Variants in PKP4 observed in about 807,000 individuals in gnomAD.
PKP4 encodes the protein plakophilin 4, also known as plakophilin-4.
PKP4 carries 90 observed loss-of-function variants against 145.1 expected under a neutral mutation model. The observed-to-expected ratio is 0.62, with a 90% CI of 0.52 to 0.74. The LOEUF (loss-of-function observed/expected upper bound fraction) is 0.74. Ranked by LOEUF, PKP4 falls within the 30% of genes least tolerant of loss-of-function variation. The probability of loss-of-function intolerance (pLI) is 0.00; values close to 1 mark genes in which losing one functional copy is unlikely to be tolerated. For synonymous variants in PKP4, 563 were observed against 577.2 expected, an observed-to-expected ratio of 0.98 and a Z score of 0.35; for missense variants, 1,340 against 1,482.7, an observed-to-expected ratio of 0.90 and a Z score of 1.58.
intron 2 of PKP4, among the ~76,000 whole-genome samples, chr2:158,536,743 T>A (rs929498169): frequency 2.6e-5 from 4 of 152,214 alleles, no homozygotes; most frequent in Admixed American, 2.0e-4. Flanking sequence ...ATCAGTCATG[T>A]GGATGCGTAC....
chr2:158,643,209 G>A (rs1007799610), intron 11 of PKP4, among the ~76,000 whole-genome samples: 4 of 152,166 alleles, frequency 2.6e-5, no homozygotes, highest in Non-Finnish European at 4.4e-5. Flanking sequence ...TTTTGTGAGC[G>A]TCAGGGAAAT....
intron 2 of PKP4, among the ~76,000 whole-genome samples, chr2:158,574,418 C>T (rs928819619): frequency 6.6e-6 from 1 of 152,098 alleles, no homozygotes; most frequent in Non-Finnish European, 1.5e-5. Flanking sequence ...TAGATGATGT[C>T]TCTGCATCAT....
chr2:158,515,953 G>T (rs1355931288), intron 1 of PKP4, among the ~76,000 whole-genome samples: 3 of 152,078 alleles, frequency 2.0e-5, no homozygotes, highest in Non-Finnish European at 4.4e-5. Context: ...GGCTGAGGTG[G>T]CAGGATCGTG....
At chr2:158,642,148 A>G (rs1464488491) in intron 10 of PKP4, among the ~76,000 whole-genome samples, 1 of 152,080 alleles carries the variant, frequency 6.6e-6, no homozygotes, top group Non-Finnish European at 1.5e-5. Flanking sequence ...CAGCCTTCCA[A>G]GTAGTTGGGA....
At chr2:158,475,645 C>G (rs548343723) in intron 1 of PKP4, among the ~76,000 whole-genome samples, 1 of 152,308 alleles carries the variant, frequency 6.6e-6, no homozygotes, top group African/African-American at 2.4e-5. Flanking sequence ...GAGCAACCCT[C>G]AGTCAGTAGC....
chr2:158,536,434 G>C (rs1231324604), intron 2 of PKP4, among the ~76,000 whole-genome samples: 2 of 152,164 alleles, frequency 1.3e-5, no homozygotes, highest in Admixed American at 1.3e-4. Flanking sequence ...AAAAGTCTGG[G>C]TTCTTCAGTA....
At chr2:158,627,708 A>G (rs2052942090) in intron 7 of PKP4, among the ~76,000 whole-genome samples, 1 of 150,866 alleles carries the variant, frequency 6.6e-6, no homozygotes, top group African/African-American at 2.4e-5. Flanking sequence ...ATGTAAAGAA[A>G]ACTTTTGAGG....
At chr2:158,621,778 A>C (rs1308755625) in intron 6 of PKP4, among the ~76,000 whole-genome samples, 1 of 152,108 alleles carries the variant, frequency 6.6e-6, no homozygotes, top group Non-Finnish European at 1.5e-5. Flanking sequence ...AAAAAAAAGA[A>C]ATACACTCCT....
rs904340700 is a variant in PKP4, at chr2:158,578,939, A to T, written c.245+1556A>T. ...GATGTGAGAACAGTTGTCAAACCTC[A>T]AAGTAAGCACTAGAGGTGGATTTTA... On this transcript the variant is annotated intron_variant, in intron 3 of 21. Coordinates refer to ENST00000389759, the MANE Select transcript of PKP4 (RefSeq NM_003628.6). Among the ~76,000 whole-genome samples the T allele has an allele frequency of 9.1e-5, 9 of 99,348 alleles. No individual in the cohort carries two copies. The South Asian group carries it at 1.5e-3, about 17-fold the overall frequency. 65.2% of individuals were successfully genotyped at this position (99,348 alleles called of 152,430 possible).
chr2:158,498,715 T>A (rs145154258), intron 1 of PKP4, among the ~76,000 whole-genome samples: 46 of 152,296 alleles, frequency 3.0e-4, no homozygotes, highest in African/African-American at 8.4e-4. Context: ...TGGCCTGTTC[T>A]AGAACCTTGA....
chr2:158,668,334 C>CTGACCTCT (rs1313396893), intron 16 of PKP4, among the ~76,000 whole-genome samples: 2 of 152,200 alleles, frequency 1.3e-5, no homozygotes, highest in African/African-American at 4.8e-5. Flanking sequence ...TTCCCCTTCT[C>CTGACCTCT]TGACCTCTTC....
At chr2:158,627,427 G>A (rs1009024903) in intron 7 of PKP4, among the ~76,000 whole-genome samples, 6 of 151,972 alleles carry the variant, frequency 3.9e-5, no homozygotes, top group Non-Finnish European at 5.9e-5. Flanking sequence ...GACAATGCAG[G>A]TAAAATTAGA....
intron 2 of PKP4, among the ~76,000 whole-genome samples, chr2:158,565,899 A>C (rs2105751430): frequency 6.6e-6 from 1 of 152,336 alleles, no homozygotes; most frequent in Non-Finnish European, 1.5e-5. Flanking sequence ...GAAACCATAC[A>C]GATAACATGA....
intron 11 of PKP4, among the ~76,000 whole-genome samples, chr2:158,656,352 C>T (rs1045285673): frequency 5.7e-5 from 4 of 69,830 alleles, no homozygotes; most frequent in African/African-American, 2.1e-4. Context: ...ACCCATAATG[C>T]GTGCTGCCTT....
chr2:158,621,041 C>T lies in PKP4; in HGVS notation c.332C>T (p.Pro111Leu). 6.2e-7 allele frequency: 1 copy of T among 1,613,980 alleles called. No individual in the cohort carries two copies. The highest frequency in any genetic ancestry group is 8.5e-7 in the Non-Finnish European group (1 of 1,179,892). Residue 111 changes from proline to leucine, a missense_variant, in exon 5 of 22, where the codon CCC becomes CTC. Physicochemically the swap from Pro to Leu is moderately conservative, Grantham distance 98. Coordinates refer to ENST00000389759, the MANE Select transcript of PKP4 (RefSeq NM_003628.6). ...CCTAGAGTTTCTGACGCTGTCCAGC[C>T]CAACAACTATCTCATCAGGACAGAG... ...SKPRVSDAVQPNNYLIRTEPE... is the reference protein window; with the variant it reads ...SKPRVSDAVQLNNYLIRTEPE...
intron 2 of PKP4, among the ~76,000 whole-genome samples, chr2:158,550,143 A>ATTAATTCTATTAAT (rs564291706): frequency 2.0e-5 from 3 of 147,046 alleles, no homozygotes; most frequent in Non-Finnish European, 1.5e-5. Context: ...TGCCAAGAAG[A>ATTAATTCTATTAAT]AGTTAAACAA....
chr2:158,631,821 G>C lies in PKP4; in HGVS notation c.1222G>C (p.Asp408His), dbSNP rs769826087. ...GQDLRSAVSPDLHITPIYEGR... is the reference protein window; with the variant it reads ...GQDLRSAVSPHLHITPIYEGR... ...AGACCTTCGTTCTGCCGTGTCTCCC[G>C]ACTTGCACATTACTCCTATATATGA... Residue 408 changes from aspartate (D) to histidine (H), a missense_variant, in exon 8 of 22, where the codon GAC (aspartate) becomes CAC (histidine). Asp to His is a moderately conservative substitution (Grantham distance 81, BLOSUM62 -1). Transcript: ENST00000389759. 6.2e-7 allele frequency: 1 copy of C among 1,613,924 alleles called. No homozygotes were observed. The highest frequency in any genetic ancestry group is 1.7e-5 in the Admixed American group (1 of 60,002).
rs186009013 is a variant in PKP4 at position 158,610,654 on chromosome 2, A to G, written c.280+7550A>G. 6.0e-4 allele frequency among the ~76,000 whole-genome samples: 92 copies of G among 152,330 alleles called. 1 individual carries two copies. Among genetic ancestry groups the G allele is most frequent in the South Asian group, 1.5e-3 (7 of 4,826 alleles). ...TCAAAACAGTCATTGATTGTTACTT[A>G]GGTCCCCCAGTCACATTCCATGAAG... On this transcript the variant is annotated intron_variant, in intron 4 of 21. Coordinates refer to ENST00000389759, the MANE Select transcript of PKP4 (RefSeq NM_003628.6).
chr2:158,625,441 G>A lies in PKP4; in HGVS notation c.1153+14G>A, dbSNP rs369808671. 11 of 1,589,014 alleles carry A rather than the reference G, an allele frequency of 6.9e-6. No individual in the cohort carries two copies. The highest frequency in any genetic ancestry group is 1.3e-5 in the African/African-American group (1 of 74,526). On this transcript the variant is annotated intron_variant, in intron 7 of 21. Coordinates refer to ENST00000389759, the MANE Select transcript of PKP4 (RefSeq NM_003628.6). Reference sequence around the variant, plus strand: ...ACAGCCTGACAGGTGCGTACAAGGTGACAGTGCTACATAAAACCCAGTGAG... The same window carrying A: ...ACAGCCTGACAGGTGCGTACAAGGTAACAGTGCTACATAAAACCCAGTGAG...
Sources: allele counts gnomAD v4.1 joint callset (sites outside exome capture counted in the v4.1 genomes callset), GRCh38; gene constraint gnomAD v4.1.1; transcripts MANE v1.5; gene names NCBI Gene and HGNC (gene_info 2026-07-23, HGNC 2026-07-21).